Variants in TXK observed in about 807,000 individuals in gnomAD.
TXK encodes the protein tyrosine-protein kinase TXK.
In TXK, 60 loss-of-function variants were observed where a neutral mutation model predicts 81.0. That is an observed-to-expected ratio of 0.74 (90% CI 0.60 to 0.92). TXK has a LOEUF of 0.92. TXK is among the 40% of genes least tolerant of loss of function. TXK has a pLI of 0.00. For synonymous variants in TXK, 203 were observed against 210.7 expected, an observed-to-expected ratio of 0.96 and a Z score of 0.32; for missense variants, 581 against 638.3, an observed-to-expected ratio of 0.91 and a Z score of 0.97.
At chr4:48,090,719 T>C (rs2109428061) in intron 8 of TXK, among the ~76,000 whole-genome samples, 1 of 152,140 alleles carries the variant, frequency 6.6e-6, no homozygotes, top group Middle Eastern at 3.4e-3. Flanking sequence ...TACATTCTAG[T>C]GAGAGGAAGA....
chr4:48,117,069 G>A (rs1233100751), intron 1 of TXK, among the ~76,000 whole-genome samples: 2 of 152,100 alleles, frequency 1.3e-5, no homozygotes, highest in African/African-American at 2.4e-5. Context: ...GTAGTTTTTA[G>A]TAGAGATGGG....
At chr4:48,103,503 T>A (rs532302872) in intron 6 of TXK, among the ~76,000 whole-genome samples, 1 of 152,246 alleles carries the variant, frequency 6.6e-6, no homozygotes, top group Non-Finnish European at 1.5e-5. Flanking sequence ...AAGTAGGTCT[T>A]CATTGTACCC....
At chr4:48,070,141 TC>T (rs1312621985) in intron 14 of TXK, among the ~76,000 whole-genome samples, 5 of 140,202 alleles carry the variant, frequency 3.6e-5, no homozygotes, top group African/African-American at 7.9e-5. Flanking sequence ...GGAGGAAACT[TC>T]TCATCAAGCT....
chr4:48,090,275 C>T (rs1047190760), intron 8 of TXK, among the ~76,000 whole-genome samples: 1 of 152,162 alleles, frequency 6.6e-6, no homozygotes, highest in African/African-American at 2.4e-5. Flanking sequence ...ATAAAATATG[C>T]CATATGTCCT....
At chr4:48,077,081 T>A (rs769283114) in intron 11 of TXK, among the ~76,000 whole-genome samples, 2 of 152,172 alleles carry the variant, frequency 1.3e-5, no homozygotes, top group Admixed American at 6.5e-5. Context: ...TAATACGTAA[T>A]AAAAATTAAG....
chr4:48,085,574 G>A (rs886071444), intron 10 of TXK, among the ~76,000 whole-genome samples: 1 of 152,068 alleles, frequency 6.6e-6, no homozygotes, highest in Admixed American at 6.6e-5. Context: ...ATGGGAACAG[G>A]CATTTTTATT....
chr4:48,083,889 C>T (rs926385992), intron 10 of TXK, among the ~76,000 whole-genome samples: 3 of 152,080 alleles, frequency 2.0e-5, no homozygotes, highest in Non-Finnish European at 4.4e-5. Flanking sequence ...AGTGGGTATG[C>T]CAACTTAAAC....
At chr4:48,090,373 T>G (rs1296971914) in intron 8 of TXK, among the ~76,000 whole-genome samples, 1 of 152,204 alleles carries the variant, frequency 6.6e-6, no homozygotes, top group East Asian at 1.9e-4. Flanking sequence ...GATGTACTAA[T>G]TTATTCAACC....
chr4:48,129,661 C>A (rs1390046148), intron 1 of TXK, among the ~76,000 whole-genome samples: 1 of 152,184 alleles, frequency 6.6e-6, no homozygotes, highest in Non-Finnish European at 1.5e-5. Context: ...TCTGCCAGGG[C>A]AACTCCCCAG....
intron 9 of TXK, among the ~76,000 whole-genome samples, chr4:48,087,359 A>G (rs61599433): frequency 0.038 from 5,793 of 152,218 alleles, 356 homozygotes; most frequent in African/African-American, 0.13. Flanking sequence ...AAAGAATTGT[A>G]AAATCTGATA....
In TXK at chr4:48,079,982, A is replaced by T. The variant is rs745686590; in HGVS notation, c.1103T>A (p.Leu368Gln). 29 of 1,613,920 alleles carry T rather than the reference A, an allele frequency of 1.8e-5. No individual in the cohort carries two copies. Among genetic ancestry groups the T allele is most frequent in the Non-Finnish European group, 2.5e-5 (29 of 1,179,980 alleles). ...NKGKLRKEML[L>Q]SVCQDICEGM... Reference sequence around the variant, plus strand: ...TTCACATATATCCTGGCATACACTCAGTAGCATTTCCTTCCTAAGCTTTCC... The same window carrying T: ...TTCACATATATCCTGGCATACACTCTGTAGCATTTCCTTCCTAAGCTTTCC... Residue 368 changes from leucine (L) to glutamine (Q), a missense_variant, in exon 11 of 15, where the codon CTG (leucine) becomes CAG (glutamine). Coordinates refer to ENST00000264316, the MANE Select transcript of TXK (RefSeq NM_003328.3).
intron 9 of TXK, among the ~76,000 whole-genome samples, chr4:48,088,444 G>A (rs1717624187): frequency 6.6e-6 from 1 of 152,156 alleles, no homozygotes; most frequent in Admixed American, 6.5e-5. Context: ...AAGAAGCATG[G>A]CTAAATCAGT....
intron 6 of TXK, among the ~76,000 whole-genome samples, chr4:48,103,705 T>G (rs1232826882): frequency 6.6e-6 from 1 of 152,244 alleles, no homozygotes; most frequent in Non-Finnish European, 1.5e-5. Flanking sequence ...GGCAGCTTTG[T>G]GTTGGTTTGA....
chr4:48,083,342 C>T (rs1056451472), intron 10 of TXK, among the ~76,000 whole-genome samples: 17 of 152,244 alleles, frequency 1.1e-4, no homozygotes, highest in Admixed American at 1.0e-3. Context: ...TTTCCTGTTT[C>T]ACCACTCATG....
intron 11 of TXK, among the ~76,000 whole-genome samples, chr4:48,079,652 T>C (rs528466045): frequency 1.3e-5 from 2 of 152,352 alleles, no homozygotes; most frequent in East Asian, 3.9e-4. Context: ...TGTGAATTAC[T>C]CTTTCTCTAT....
Position 48,093,591 on chromosome 4 carries a change from G to T in TXK, c.709+486C>A, listed in dbSNP as rs997183496. On this transcript the variant is annotated intron_variant, in intron 8 of 14. Coordinates refer to ENST00000264316, the MANE Select transcript of TXK (RefSeq NM_003328.3). ...TTAAATATGCCTCTGGTATAGTTAG[G>T]CTAAATTGTAACTGTGAAAGGCTGT... 9.8e-5 allele frequency among the ~76,000 whole-genome samples: 15 copies of T among 152,286 alleles called. No homozygotes were observed. The South Asian group carries it at 2.7e-3, about 27-fold the overall frequency.
rs1450389014 is a variant in TXK, at chr4:48,067,461, T to C, written c.*176A>G. The C allele has an allele frequency of 3.2e-6, 2 of 632,462 alleles. No individual in the cohort carries two copies. Among genetic ancestry groups the C allele is most frequent in the African/African-American group, 1.8e-5 (1 of 54,520 alleles). 39.2% of individuals were successfully genotyped at this position (632,462 alleles called of 1,614,324 possible). ...ATCCCTCTCACACATAGAAAAACGA[T>C]TGTGTGAATATTCTTAAATTTTTAA... On this transcript the variant is annotated 3_prime_UTR_variant, in exon 15 of 15. Transcript: ENST00000264316.
chr4:48,127,481 T>A (rs1011912645), intron 1 of TXK, among the ~76,000 whole-genome samples: 1 of 152,228 alleles, frequency 6.6e-6, no homozygotes, highest in Non-Finnish European at 1.5e-5. Context: ...CTTGAGCTTT[T>A]AGCAAATTCC....
chr4:48,072,046 C>T (rs892956054), intron 13 of TXK, among the ~76,000 whole-genome samples: 1 of 151,670 alleles, frequency 6.6e-6, no homozygotes, highest in South Asian at 2.1e-4. Context: ...CTCTGTCTAC[C>T]GGGCTGGAGT....
Sources: gnomAD v4.1 joint callset for allele counts (sites outside exome capture counted in the v4.1 genomes callset) on GRCh38, gnomAD v4.1.1 for gene constraint, MANE v1.5 for transcripts, NCBI Gene and HGNC (gene_info 2026-07-23, HGNC 2026-07-21) for gene names.